The following NTN1 variants were observed in gnomAD, a reference collection of about 807,000 sequenced individuals.
The protein encoded by NTN1 is netrin 1.
Under a neutral mutation model 54.2 loss-of-function variants are expected in NTN1, and 11 were observed. The observed-to-expected ratio is 0.20, with a 90% CI of 0.13 to 0.34. The LOEUF is 0.34. Among genes scored for constraint, NTN1 ranks in the 10% least tolerant of loss-of-function variants. NTN1 has a pLI of 1.00. For missense variants in NTN1, 740 were observed against 893.1 expected, an observed-to-expected ratio of 0.83 and a Z score of 2.18; for synonymous variants, 371 against 382.0, an observed-to-expected ratio of 0.97 and a Z score of 0.33.
rs183581538 is a variant in NTN1, at chr17:9,065,292, C to T, written c.1018+41901C>T. ...TGCTATAAACCCAGAGTGGCTCCGT[C>T]GGACGGTGGCACAGATTCCTTCCCT... is the stretch of plus-strand genomic sequence containing the variant. On this transcript the variant is annotated intron_variant, in intron 2 of 6. Transcript: ENST00000173229. 5.3e-5 allele frequency among the ~76,000 whole-genome samples: 8 copies of T among 152,212 alleles called. No homozygotes were observed. In the East Asian group the frequency reaches 1.2e-3, roughly 22 times the overall value.
chr17:9,100,107 C>T (rs2092144841), intron 2 of NTN1, among the ~76,000 whole-genome samples: 2 of 152,044 alleles, frequency 1.3e-5, no homozygotes, highest in Non-Finnish European at 2.9e-5. Flanking sequence ...AGCCACCACC[C>T]CCAGCCTCAT....
chr17:9,127,075 G>A (rs1021722886), intron 2 of NTN1, among the ~76,000 whole-genome samples: 1 of 149,390 alleles, frequency 6.7e-6, no homozygotes. Context: ...TAGGGCCGGG[G>A]GGGGGCAGGA....
intron 2 of NTN1, among the ~76,000 whole-genome samples, chr17:9,051,245 T>C (rs1456046440): frequency 6.6e-6 from 1 of 152,194 alleles, no homozygotes; most frequent in African/African-American, 2.4e-5. Flanking sequence ...CAGGCCTGGC[T>C]TGGTATTTGA....
At chr17:9,238,916 C>T (rs1420083197) in intron 6 of NTN1, among the ~76,000 whole-genome samples, 1 of 152,156 alleles carries the variant, frequency 6.6e-6, no homozygotes, top group Non-Finnish European at 1.5e-5. Flanking sequence ...TTTCACAAGC[C>T]GGCCAGGGGA....
Position 9,212,675 on chromosome 17 carries a change from A to G in NTN1, c.1412-8493A>G, listed in dbSNP as rs892012238. Among the ~76,000 whole-genome samples, 1 of 151,672 alleles carries G rather than the reference A, an allele frequency of 6.6e-6. No homozygotes were observed. The highest frequency in any genetic ancestry group is 1.5e-5 in the Non-Finnish European group (1 of 67,884). Reference sequence around the variant, plus strand: ...GCCCTTGGCGTCTGCAACTTACCCAACCCTTCCAGGTTTCTCTGCCCGGGG... The same window carrying G: ...GCCCTTGGCGTCTGCAACTTACCCAGCCCTTCCAGGTTTCTCTGCCCGGGG... On this transcript the variant is annotated intron_variant, in intron 5 of 6. Transcript: ENST00000173229. This position sits in a 1 kb window ranked among gnomAD's most constrained non-coding sequence, Gnocchi z 5.5.
At chr17:9,207,640 C>G (rs985994236) in intron 5 of NTN1, among the ~76,000 whole-genome samples, 5 of 152,192 alleles carry the variant, frequency 3.3e-5, no homozygotes, top group African/African-American at 9.6e-5. Flanking sequence ...CTTTCCACTT[C>G]CCAGCATCCT....
At chr17:9,077,571 C>G (rs2142221387) in intron 2 of NTN1, among the ~76,000 whole-genome samples, 1 of 152,170 alleles carries the variant, frequency 6.6e-6, no homozygotes, top group East Asian at 1.9e-4. Flanking sequence ...TCAGCTAAGG[C>G]AAAGAGGACA....
rs1906185669 is a variant in NTN1, at chr17:9,240,747, C to T, written c.*779C>T. ...TGCCTGTCTCTGCCCCTGCCCCTGC[C>T]CCTGCCCAGCGTGGGGCTGGCCCAT... is the stretch of plus-strand genomic sequence containing the variant. On this transcript the variant is annotated 3_prime_UTR_variant, in exon 7 of 7. Coordinates refer to ENST00000173229, the MANE Select transcript of NTN1 (RefSeq NM_004822.3). 2 of 147,924 alleles carry T rather than the reference C, an allele frequency of 1.4e-5. No individual in the cohort carries two copies. Among genetic ancestry groups the T allele is most frequent in the Non-Finnish European group, 3.0e-5 (2 of 66,248 alleles). 9.2% of individuals were successfully genotyped at this position (147,924 alleles called of 1,614,324 possible). A position where few individuals can be genotyped will look rare whatever the true frequency, so the allele number is the denominator to read the frequency against.
chr17:9,109,364 G>A (rs949055436), intron 2 of NTN1, among the ~76,000 whole-genome samples: 1 of 152,060 alleles, frequency 6.6e-6, no homozygotes, highest in African/African-American at 2.4e-5. Flanking sequence ...ACAGAGTGTT[G>A]TCTGTGAGTT....
At chr17:9,206,551 G>A (rs1229974844) in intron 5 of NTN1, among the ~76,000 whole-genome samples, 3 of 152,076 alleles carry the variant, frequency 2.0e-5, no homozygotes, top group East Asian at 1.9e-4. Context: ...CCACCCCAGC[G>A]TGCCTCTCCG....
chr17:9,136,123 T>C (rs765596699), intron 2 of NTN1, among the ~76,000 whole-genome samples: 7 of 151,896 alleles, frequency 4.6e-5, no homozygotes, highest in Admixed American at 1.3e-4. Context: ...TTGACAAGAG[T>C]GGGCAGGAAA....
At chr17:9,013,293 T>C in the NTN1 span, among the ~76,000 whole-genome samples, 1 of 148,616 alleles carries the variant, frequency 6.7e-6, no homozygotes, top group Non-Finnish European at 1.5e-5. Context: ...CTCGGCTCAC[T>C]GCAACCTCCG....
At chr17:9,193,113 C>T (rs1375824220) in intron 5 of NTN1, among the ~76,000 whole-genome samples, 3 of 150,212 alleles carry the variant, frequency 2.0e-5, no homozygotes, top group Non-Finnish European at 4.4e-5. Context: ...AAAAAAAAGC[C>T]GTTTCCTCAA....
At chr17:9,021,622 C>G (rs1336709400) in intron 1 of NTN1, 37 bp downstream of exon 1, 1 of 152,192 alleles carries the variant, frequency 6.6e-6, no homozygotes, top group Non-Finnish European at 1.5e-5. Flanking sequence ...GGCAGGGCAG[C>G]ACTCCGAGCT....
intron 2 of NTN1, among the ~76,000 whole-genome samples, chr17:9,153,675 C>T (rs1313165417): frequency 2.0e-5 from 3 of 152,164 alleles, no homozygotes; most frequent in African/African-American, 4.8e-5. Flanking sequence ...AGGCGTGCTT[C>T]CCACTCAGAG....
chr17:9,033,545 G>C (rs1213074934), intron 2 of NTN1, among the ~76,000 whole-genome samples: 1 of 152,212 alleles, frequency 6.6e-6, no homozygotes, highest in Non-Finnish European at 1.5e-5. Flanking sequence ...GCTGAGACGG[G>C]AGGATTGCTT....
At chr17:9,162,693 C>T (rs1461081487) in intron 2 of NTN1, 120 bp from the exon 3 acceptor site, 4 of 925,504 alleles carry the variant, frequency 4.3e-6, no homozygotes, top group Non-Finnish European at 6.6e-6. Flanking sequence ...ACAAGTCTGC[C>T]TGCCTGGCTC....
chr17:9,104,064 G>A (rs997237089), intron 2 of NTN1, among the ~76,000 whole-genome samples: 1 of 136,436 alleles, frequency 7.3e-6, no homozygotes, highest in Non-Finnish European at 1.5e-5. Flanking sequence ...ACTCCAGCCT[G>A]GGCAACAGAG....
At chr17:9,139,888 C>A (rs1374867145) in intron 2 of NTN1, among the ~76,000 whole-genome samples, 2 of 147,496 alleles carry the variant, frequency 1.4e-5, no homozygotes, top group East Asian at 1.9e-4. Context: ...ATCATTTATT[C>A]ATTCATCCAT....
Sources: allele counts gnomAD v4.1 joint callset (sites outside exome capture counted in the v4.1 genomes callset), GRCh38; gene constraint gnomAD v4.1.1; non-coding constraint Gnocchi (gnomAD v3.1); transcripts MANE v1.5; gene names NCBI Gene and HGNC (gene_info 2026-07-23, HGNC 2026-07-21).